Variants in TTI1 observed in about 807,000 individuals in gnomAD.
The protein encoded by TTI1 is TELO2-interacting protein 1 homolog.
Under a neutral mutation model 85.4 loss-of-function variants are expected in TTI1, and 52 were observed. The observed-to-expected ratio is 0.61, with a 90% CI of 0.49 to 0.77. TTI1 has a LOEUF of 0.77. Ranked by LOEUF, TTI1 falls within the 30% of genes least tolerant of loss-of-function variation. The pLI is 0.00. For missense variants in TTI1, 1,173 were observed against 1,296.0 expected (o/e 0.91, Z 1.46); for synonymous variants, 512 against 503.9 (o/e 1.02, Z -0.22).
intron 5 of TTI1, among the ~76,000 whole-genome samples, chr20:37,997,268 G>A (rs1238047484): frequency 1.0e-4 from 15 of 150,146 alleles, no homozygotes; most frequent in Non-Finnish European, 1.6e-4. Flanking sequence ...AAAAAAAAGA[G>A]AAGAGCTTAA....
chr20:38,006,271 T>C lies in TTI1; in HGVS notation c.2429A>G (p.Glu810Gly), dbSNP rs371554990. Residue 810 changes from glutamate (E) to glycine (G), a missense_variant, in exon 3 of 8, where the codon GAA (glutamate) becomes GGA (glycine). Transcript: ENST00000373447. The part of the protein sequence containing the change: ...EKSTTTAEDI[E>G]QFLLNYLKEK... ...TTTGAGGTAGTTCAGCAAAAACTGTTCGATGTCTTCAGCTGTGGTGGTGCT... is the reference window on the plus strand; with the variant it reads ...TTTGAGGTAGTTCAGCAAAAACTGTCCGATGTCTTCAGCTGTGGTGGTGCT... 9.3e-6 allele frequency: 15 copies of C among 1,614,110 alleles called. No homozygotes were observed. Among genetic ancestry groups the C allele is most frequent in the Middle Eastern group, 3.3e-4 (2 of 6,084 alleles).
At chr20:38,018,097 A>C (rs1218256883) in intron 1 of TTI1, among the ~76,000 whole-genome samples, 1 of 152,244 alleles carries the variant, frequency 6.6e-6, no homozygotes, top group Non-Finnish European at 1.5e-5. Flanking sequence ...GCATGTGTGG[A>C]GGTAAATGCC....
intron 7 of TTI1, among the ~76,000 whole-genome samples, chr20:37,990,354 C>A (rs2073246193): frequency 6.6e-6 from 1 of 152,208 alleles, no homozygotes; most frequent in African/African-American, 2.4e-5. Context: ...TTTACTGAAT[C>A]CTTGTCGTCA....
rs2073643052 is a variant in TTI1, at chr20:38,013,877, C to G, written c.-41-20G>C. On this transcript the variant is annotated intron_variant, in intron 1 of 7. Transcript: ENST00000373447. ...TGCAGGCTGGAGGAAGGAAACTGTT[C>G]AGTAAAAATGTCAAGTTCAAAGCAA... 1 of 1,539,644 alleles carries G rather than the reference C, an allele frequency of 6.5e-7. No homozygotes were observed. Among genetic ancestry groups the G allele is most frequent in the South Asian group, 1.3e-5 (1 of 79,972 alleles).
At chr20:38,024,968 G>A (rs1428681722) in intron 1 of TTI1, among the ~76,000 whole-genome samples, 2 of 152,158 alleles carry the variant, frequency 1.3e-5, no homozygotes, top group South Asian at 2.1e-4. Flanking sequence ...CAAGTGGGGA[G>A]TTGGGACTGC....
At chr20:37,996,693 CA>C (rs2073345238) in intron 6 of TTI1, 55 bp downstream of exon 6, 15 of 1,553,654 alleles carry the variant, frequency 9.7e-6, no homozygotes, top group Admixed American at 3.6e-5. Context: ...GGCATGATGG[CA>C]GGGGTGAGAC....
At chr20:37,984,311 C>T (rs907682348) in intron 7 of TTI1, among the ~76,000 whole-genome samples, 1 of 152,210 alleles carries the variant, frequency 6.6e-6, no homozygotes, top group Non-Finnish European at 1.5e-5. Context: ...TGCTCTGTAA[C>T]CTTTGGCAGA....
At chr20:38,022,093 G>A (rs1250758627) in intron 1 of TTI1, among the ~76,000 whole-genome samples, 2 of 152,164 alleles carry the variant, frequency 1.3e-5, no homozygotes, top group Non-Finnish European at 2.9e-5. Context: ...AGGCCAGAAG[G>A]GAGAAAAGTC....
chr20:38,002,919 A>T, intron 3 of TTI1, 143 bp from the exon 4 acceptor site: 1 of 1,154,936 alleles, frequency 8.7e-7, no homozygotes, highest in Non-Finnish European at 1.2e-6. Context: ...CTCAAGGGGG[A>T]ATAGGTACAG....
chr20:37,990,022 T>A (rs1287167962), intron 7 of TTI1, among the ~76,000 whole-genome samples: 1 of 152,250 alleles, frequency 6.6e-6, no homozygotes, highest in Non-Finnish European at 1.5e-5. Context: ...CTTTTCTTTT[T>A]AAAAACTCTT....
chr20:38,011,646 C>T lies in TTI1; in HGVS notation c.2171G>A (p.Arg724Gln), dbSNP rs372481675. The T allele has an allele frequency of 3.6e-5, 58 of 1,614,100 alleles. No individual in the cohort carries two copies. The highest frequency in any genetic ancestry group is 8.9e-5 in the East Asian group (4 of 44,898). ...AGGAAGCAGGTTAGCATCTGAGTTC[C>T]GCAGCATGACTTCCAGGACCTTTGG... ...HTPKVLEVML[R>Q]NSDANLLPLV... Residue 724 changes from arginine (R) to glutamine (Q), a missense_variant, in exon 2 of 8, where the codon CGG (arginine) becomes CAG (glutamine). Transcript: ENST00000373447.
chr20:38,019,414 G>A (rs2122622762), intron 1 of TTI1, among the ~76,000 whole-genome samples: 1 of 152,302 alleles, frequency 6.6e-6, no homozygotes, highest in South Asian at 2.1e-4. Flanking sequence ...AAAAGGTAGG[G>A]AGGGGGAAGG....
At chr20:38,002,141 C>A (rs1348649685) in intron 4 of TTI1, among the ~76,000 whole-genome samples, 4 of 152,146 alleles carry the variant, frequency 2.6e-5, no homozygotes, top group Non-Finnish European at 4.4e-5. Flanking sequence ...CCACTGCATC[C>A]TGTTATTGCA....
At chr20:38,008,249 C>G (rs974133477) in intron 2 of TTI1, among the ~76,000 whole-genome samples, 2 of 152,036 alleles carry the variant, frequency 1.3e-5, no homozygotes, top group African/African-American at 2.4e-5. Flanking sequence ...AACGTAATAC[C>G]CTTTAAACCA....
In TTI1 at chr20:38,012,387, C is replaced by T. The variant is rs36038961; in HGVS notation, c.1430G>A (p.Arg477His). 43 of 1,614,042 alleles carry T rather than the reference C, an allele frequency of 2.7e-5. No homozygotes were observed. The Admixed American group carries it at 4.2e-4, about 16-fold the overall frequency. Residue 477 changes from arginine (R) to histidine (H), a missense_variant, in exon 2 of 8, where the codon CGC becomes CAC. Coordinates refer to ENST00000373447, the MANE Select transcript of TTI1 (RefSeq NM_001303457.2). ...GAAGATTCTCTCATCAGTGAAGAAG[C>T]GGAAATATCTCCTCTGGATGCGGTT... is the stretch of plus-strand genomic sequence containing the variant. Reference protein sequence around the residue: ...PWNRIQRRYFRFFTDERIFML... With the variant: ...PWNRIQRRYFHFFTDERIFML...
chr20:38,030,225 GGAGGGAGGA>G (rs386814004), intron 1 of TTI1, among the ~76,000 whole-genome samples: 536 of 151,490 alleles, frequency 3.5e-3, no homozygotes, highest in African/African-American at 0.012. Context: ...AGGAAGGGAG[GGAGGGAGGA>G]GGGAGGAAGG....
chr20:37,987,967 C>T lies in TTI1; in HGVS notation c.3087-4328G>A, dbSNP rs1282202711. Among the ~76,000 whole-genome samples the T allele has an allele frequency of 1.8e-4, 27 of 152,184 alleles. 1 individual carries two copies. The highest frequency in any genetic ancestry group is 1.2e-3 in the Admixed American group (19 of 15,286). ...GAGGTGGGAATGGGGAGGGAGGAAA[C>T]GTGCTCCTGGAATCTGGTCAGCTGG... On this transcript the variant is annotated intron_variant, in intron 7 of 7. Coordinates refer to ENST00000373447, the MANE Select transcript of TTI1 (RefSeq NM_001303457.2).
chr20:38,026,585 G>A (rs145189095), intron 1 of TTI1, among the ~76,000 whole-genome samples: 1 of 152,304 alleles, frequency 6.6e-6, no homozygotes, highest in East Asian at 1.9e-4. Flanking sequence ...CAAAAAATGT[G>A]CATCAGGAAT....
intron 2 of TTI1, among the ~76,000 whole-genome samples, chr20:38,007,498 C>T (rs2073518839): frequency 6.6e-6 from 1 of 152,160 alleles, no homozygotes; most frequent in African/African-American, 2.4e-5. Context: ...GTCTCTATTC[C>T]TTCAAACAAC....
Sources: gnomAD v4.1 joint callset for allele counts (sites outside exome capture counted in the v4.1 genomes callset) on GRCh38, gnomAD v4.1.1 for gene constraint, MANE v1.5 for transcripts, NCBI Gene and HGNC (gene_info 2026-07-23, HGNC 2026-07-21) for gene names.